The following SMARCC1 variants were observed in gnomAD, a reference collection of about 807,000 sequenced individuals.
SMARCC1 encodes SWI/SNF related BAF chromatin remodeling complex subunit C1.
A neutral mutation model predicts 147.4 loss-of-function variants in SMARCC1; 43 were observed. The observed-to-expected ratio is 0.29, with a 90% CI of 0.23 to 0.38. The LOEUF (loss-of-function observed/expected upper bound fraction) is 0.38. Ranked by LOEUF, SMARCC1 falls within the 10% of genes least tolerant of loss-of-function variation. SMARCC1 has a pLI of 1.00. For synonymous variants in SMARCC1, 495 were observed against 484.4 expected, an observed-to-expected ratio of 1.02 and a Z score of -0.29; for missense variants, 1,119 against 1,381.1, an observed-to-expected ratio of 0.81 and a Z score of 3.01.
Position 47,714,432 on chromosome 3 carries a change from G to A in SMARCC1, c.775C>T (p.Pro259Ser), listed in dbSNP as rs377180804. Residue 259 changes from proline (P) to serine (S), a missense_variant, in exon 8 of 28, where the codon CCA becomes TCA. Pro to Ser is a moderately conservative substitution (Grantham distance 74, BLOSUM62 -1). Transcript: ENST00000254480. ...VDAEIEDPPI[P>S]EKPWKVHVKW... Reference sequence around the variant, plus strand: ...TCATTTACCTTCCATGGTTTTTCTGGAATTGGTGGATCTTCAATTTCAGCA... The same window carrying A: ...TCATTTACCTTCCATGGTTTTTCTGAAATTGGTGGATCTTCAATTTCAGCA... 2.7e-5 allele frequency: 43 copies of A among 1,584,194 alleles called. No individual in the cohort carries two copies. The highest frequency in any genetic ancestry group is 3.5e-5 in the Non-Finnish European group (41 of 1,154,970).
At chr3:47,680,572 G>A in intron 14 of SMARCC1, 64 bp from the exon 15 acceptor site, 1 of 789,940 alleles carries the variant, frequency 1.3e-6, no homozygotes, top group Non-Finnish European at 1.8e-6. Context: ...TTTTGAGACG[G>A]AGTCTCGCTC....
chr3:47,752,595 G>A (rs2034641064), intron 2 of SMARCC1, among the ~76,000 whole-genome samples: 1 of 151,954 alleles, frequency 6.6e-6, no homozygotes, highest in Non-Finnish European at 1.5e-5. Flanking sequence ...AGAACACCCT[G>A]AGCAACATAA....
chr3:47,683,611 G>C (rs2033681746), intron 14 of SMARCC1, among the ~76,000 whole-genome samples: 2 of 151,984 alleles, frequency 1.3e-5, no homozygotes, highest in African/African-American at 4.8e-5. Flanking sequence ...CCAGCACTTT[G>C]GGAGGCCAAG....
intron 2 of SMARCC1, among the ~76,000 whole-genome samples, chr3:47,749,398 C>A (rs2034601523): frequency 6.7e-6 from 1 of 148,730 alleles, no homozygotes; most frequent in Admixed American, 6.8e-5. Flanking sequence ...CAGTGGCTCA[C>A]GCCTATAAAA....
At chr3:47,621,315 A>G (rs1454963578) in intron 25 of SMARCC1, among the ~76,000 whole-genome samples, 2 of 151,920 alleles carry the variant, frequency 1.3e-5, no homozygotes, top group Admixed American at 6.6e-5. Flanking sequence ...AAAAAAAAAA[A>G]AAAGAAAAGA....
intron 18 of SMARCC1, among the ~76,000 whole-genome samples, chr3:47,672,944 A>G (rs1239529333): frequency 6.6e-6 from 1 of 151,626 alleles, no homozygotes; most frequent in Non-Finnish European, 1.5e-5. Context: ...ATGTCTGGCT[A>G]GTTTCAGTAT....
At chr3:47,663,936 C>T (rs1047744617) in intron 19 of SMARCC1, 2 of 1,382,546 alleles carry the variant, frequency 1.4e-6, no homozygotes, top group African/African-American at 2.9e-5. Flanking sequence ...CAACCCTGAG[C>T]CCAGGGTCTG....
chr3:47,610,268 C>A lies in SMARCC1; in HGVS notation c.2841G>T (p.Leu947=). Residue 947 remains leucine, a synonymous_variant, in exon 26 of 28, where the codon CTG becomes CTT. Transcript: ENST00000254480. ...TERQNFHMEQ[L]KYAELRARQQ... is the part of the protein sequence containing the mutation. ...GTCGTGCTCGTAATTCAGCATACTT[C>A]AGCTGTTCCATGTGGAAGTTTTGGC... 1 of 1,614,226 alleles carries A rather than the reference C, an allele frequency of 6.2e-7. No individual in the cohort carries two copies. The highest frequency in any genetic ancestry group is 8.5e-7 in the Non-Finnish European group (1 of 1,180,044).
At chr3:47,707,830 G>A (rs1331801750) in intron 9 of SMARCC1, among the ~76,000 whole-genome samples, 1 of 152,124 alleles carries the variant, frequency 6.6e-6, no homozygotes, top group African/African-American at 2.4e-5. Flanking sequence ...AGTGTGCTAT[G>A]ATCGCAACAC....
At position 47,622,192 on chromosome 3, in the gene SMARCC1, A is replaced by T; in HGVS notation, c.2781+15T>A. On this transcript the variant is annotated intron_variant, in intron 25 of 27. Transcript: ENST00000254480. ...TTAATTGTGAAAAAGCCACTAAAAA[A>T]TTCCAAATACTTACAGCTTCTTTCT... The T allele has an allele frequency of 6.3e-7, 1 of 1,594,128 alleles. No individual in the cohort carries two copies. The highest frequency in any genetic ancestry group is 8.5e-7 in the Non-Finnish European group (1 of 1,174,996).
intron 2 of SMARCC1, among the ~76,000 whole-genome samples, chr3:47,764,454 C>A (rs1350790003): frequency 6.6e-6 from 1 of 152,126 alleles, no homozygotes; most frequent in Non-Finnish European, 1.5e-5. Flanking sequence ...AATGAAACAT[C>A]AATCAAATAA....
At chr3:47,728,078 CTT>C (rs1166964500) in intron 6 of SMARCC1, among the ~76,000 whole-genome samples, 2 of 56,860 alleles carry the variant, frequency 3.5e-5, no homozygotes, top group Non-Finnish European at 5.9e-5. Context: ...TTATTAGTCC[CTT>C]TTTTTTTTTT....
intron 24 of SMARCC1, among the ~76,000 whole-genome samples, chr3:47,630,572 T>C (rs1223945238): frequency 6.6e-6 from 1 of 152,240 alleles, no homozygotes; most frequent in African/African-American, 2.4e-5. Context: ...AGTTTCTATG[T>C]AGTCATACAA....
intron 2 of SMARCC1, among the ~76,000 whole-genome samples, chr3:47,771,832 G>A (rs748971830): frequency 1.5e-4 from 23 of 149,226 alleles, no homozygotes; most frequent in African/African-American, 1.2e-4. Flanking sequence ...CTGTACTCCC[G>A]GCACTTTGGG....
intron 25 of SMARCC1, 87 bp downstream of exon 25, chr3:47,622,120 G>T: frequency 8.4e-7 from 1 of 1,189,828 alleles, no homozygotes; most frequent in Non-Finnish European, 1.2e-6. Context: ...AAGAGAACAG[G>T]CTACCATTTA....
chr3:47,767,815 C>T (rs2034859053), intron 2 of SMARCC1, among the ~76,000 whole-genome samples: 1 of 151,504 alleles, frequency 6.6e-6, no homozygotes, highest in Non-Finnish European at 1.5e-5. Context: ...TTGCAGTGAG[C>T]CAAGACTGCG....
chr3:47,748,646 G>A (rs903720619), intron 2 of SMARCC1, among the ~76,000 whole-genome samples: 2 of 152,038 alleles, frequency 1.3e-5, no homozygotes, highest in African/African-American at 2.4e-5. Flanking sequence ...CAAATTAAAC[G>A]AAATGGTGAA....
At chr3:47,600,096 TA>T (rs1363235976) in intron 26 of SMARCC1, among the ~76,000 whole-genome samples, 2 of 152,242 alleles carry the variant, frequency 1.3e-5, no homozygotes, top group African/African-American at 4.8e-5. Context: ...TTATAAATTC[TA>T]AAGCCTTGTG....
chr3:47,729,990 C>A (rs1420587493), intron 5 of SMARCC1, among the ~76,000 whole-genome samples: 2 of 151,964 alleles, frequency 1.3e-5, no homozygotes, highest in Non-Finnish European at 2.9e-5. Context: ...ACCAGCGTGG[C>A]CAACACGGTG....
Sources: gnomAD v4.1 joint callset for allele counts (sites outside exome capture counted in the v4.1 genomes callset) on GRCh38, gnomAD v4.1.1 for gene constraint, MANE v1.5 for transcripts, NCBI Gene and HGNC (gene_info 2026-07-23, HGNC 2026-07-21) for gene names.